Variants in MAP7 observed in about 807,000 individuals in gnomAD.
MAP7 encodes the protein ensconsin.
MAP7 carries 52 observed loss-of-function variants against 94.8 expected under a neutral mutation model. That is an observed-to-expected ratio of 0.55 (90% CI 0.44 to 0.69). The LOEUF is 0.69. MAP7 is among the 30% of genes least tolerant of loss of function. The pLI is 0.00. For missense variants in MAP7, 940 were observed against 964.6 expected, an observed-to-expected ratio of 0.97 and a Z score of 0.34; for synonymous variants, 350 against 357.0, an observed-to-expected ratio of 0.98 and a Z score of 0.22.
intron 8 of MAP7, among the ~76,000 whole-genome samples, chr6:136,371,796 AAAG>A (rs1208917863): frequency 1.3e-5 from 2 of 152,372 alleles, no homozygotes; most frequent in East Asian, 1.9e-4. Context: ...GATTTAAAAC[AAAG>A]AAGAAGATTC....
chr6:136,394,975 A>T (rs1782015368), intron 3 of MAP7, among the ~76,000 whole-genome samples: 3 of 23,526 alleles, frequency 1.3e-4, no homozygotes, highest in Admixed American at 4.8e-4. Context: ...TATATATCAC[A>T]TTTTCCTTAT....
At chr6:136,345,632 G>C (rs1582616513) in intron 17 of MAP7, among the ~76,000 whole-genome samples, 4 of 152,190 alleles carry the variant, frequency 2.6e-5, no homozygotes, top group Non-Finnish European at 1.5e-5. Flanking sequence ...GCTGCGGACT[G>C]GACTTCTGCA....
chr6:136,449,144 A>C (rs1375292378), intron 1 of MAP7, among the ~76,000 whole-genome samples: 1 of 152,044 alleles, frequency 6.6e-6, no homozygotes, highest in East Asian at 1.9e-4. Context: ...AAAATACAAA[A>C]ATTAGCCGGG....
chr6:136,418,450 G>A (rs1423572338), intron 2 of MAP7, among the ~76,000 whole-genome samples: 1 of 152,146 alleles, frequency 6.6e-6, no homozygotes, highest in Non-Finnish European at 1.5e-5. Context: ...CCTGGCCTCA[G>A]GAGATCCACC....
At chr6:136,502,884 T>C (rs1820211482) in intron 1 of MAP7, among the ~76,000 whole-genome samples, 2 of 152,032 alleles carry the variant, frequency 1.3e-5, no homozygotes, top group South Asian at 2.1e-4. Flanking sequence ...AGCCATACAA[T>C]GCATCATGAT....
intron 3 of MAP7, among the ~76,000 whole-genome samples, chr6:136,410,246 G>C (rs1345308292): frequency 6.6e-6 from 1 of 152,180 alleles, no homozygotes; most frequent in African/African-American, 2.4e-5. Context: ...AGATCTACAA[G>C]TGTGAGACCT....
intron 1 of MAP7, among the ~76,000 whole-genome samples, chr6:136,546,730 T>A (rs1488300658): frequency 6.6e-6 from 1 of 152,196 alleles, no homozygotes; most frequent in East Asian, 1.9e-4. Flanking sequence ...AGGTACACAT[T>A]TCTTATTCTA....
intron 3 of MAP7, among the ~76,000 whole-genome samples, chr6:136,392,399 T>G (rs1412985138): frequency 6.6e-6 from 1 of 150,888 alleles, no homozygotes; most frequent in Non-Finnish European, 1.5e-5. Flanking sequence ...TTTTTTTTTT[T>G]TTTTTTTTTT....
rs1582665181 is a variant in MAP7, at chr6:136,360,633, G to A, written c.1803+64C>T. On this transcript the variant is annotated intron_variant, in intron 13 of 17. Transcript: ENST00000354570. ...GAACACGCGTTTTCTGACGGCCAGG[G>A]CTAGTCTCTGGGTCTTAGAGGTGCA... 4.9e-6 allele frequency: 7 copies of A among 1,425,146 alleles called. No homozygotes were observed. In the East Asian group the frequency reaches 1.6e-4, roughly 32 times the overall value. 88.3% of individuals were successfully genotyped at this position (1,425,146 alleles called of 1,614,324 possible). A position where few individuals can be genotyped will look rare whatever the true frequency, so the allele number is the denominator to read the frequency against.
intron 1 of MAP7, among the ~76,000 whole-genome samples, chr6:136,471,351 GTTC>G (rs1184260680): frequency 6.6e-6 from 1 of 152,138 alleles, no homozygotes; most frequent in African/African-American, 2.4e-5. Context: ...CTTAATCGTA[GTTC>G]TTTATTTGCC....
intron 1 of MAP7, among the ~76,000 whole-genome samples, chr6:136,506,988 C>T (rs1310407961): frequency 1.3e-5 from 2 of 152,152 alleles, no homozygotes; most frequent in Non-Finnish European, 2.9e-5. Context: ...AATCACTTTA[C>T]CCCTTTTGTC....
chr6:136,348,200 G>A (rs1312678550), intron 16 of MAP7, among the ~76,000 whole-genome samples: 2 of 152,134 alleles, frequency 1.3e-5, no homozygotes, highest in African/African-American at 4.8e-5. Context: ...GAACAGGAAC[G>A]TATCTCCAGA....
chr6:136,382,352 T>A (rs1368729270), intron 6 of MAP7, among the ~76,000 whole-genome samples: 2 of 152,218 alleles, frequency 1.3e-5, no homozygotes, highest in Non-Finnish European at 2.9e-5. Flanking sequence ...TTGTAGTTTG[T>A]CTCAGATCCA....
At chr6:136,508,335 A>T (rs1479600166) in intron 1 of MAP7, among the ~76,000 whole-genome samples, 2 of 152,172 alleles carry the variant, frequency 1.3e-5, no homozygotes, top group Non-Finnish European at 2.9e-5. Flanking sequence ...CAAAAAAAAA[A>T]GAAAGAAAAG....
At position 136,413,117 on chromosome 6, in the gene MAP7, G is replaced by A. The variant is rs1420522423; in HGVS notation, c.167-1420C>T. ...GCAGAAGATGCAGGGAGCCAAGATCGCGCCATTGCACTCCAGCCTGGGCAA... is the reference window on the plus strand; with the variant it reads ...GCAGAAGATGCAGGGAGCCAAGATCACGCCATTGCACTCCAGCCTGGGCAA... On this transcript the variant is annotated intron_variant, in intron 2 of 17. Transcript: ENST00000354570. Among the ~76,000 whole-genome samples the A allele has an allele frequency of 9.9e-5, 15 of 152,256 alleles. No individual in the cohort carries two copies. In the South Asian group the frequency reaches 1.9e-3, roughly 19 times the overall value.
At chr6:136,364,802 C>T (rs991055512) in intron 10 of MAP7, 2 of 154,450 alleles carry the variant, frequency 1.3e-5, no homozygotes, top group Non-Finnish European at 2.9e-5. Flanking sequence ...TGTAAGCCAC[C>T]TTTCAGATCT....
chr6:136,542,266 G>T (rs1259968775), intron 1 of MAP7, among the ~76,000 whole-genome samples: 1 of 152,086 alleles, frequency 6.6e-6, no homozygotes, highest in East Asian at 1.9e-4. Context: ...CAACATCACC[G>T]CTAGAGAACG....
chr6:136,461,758 A>G (rs1442433873), intron 1 of MAP7, among the ~76,000 whole-genome samples: 1 of 152,188 alleles, frequency 6.6e-6, no homozygotes, highest in Non-Finnish European at 1.5e-5. Context: ...ATCAACACAT[A>G]TAACTGGAAA....
At chr6:136,515,198 T>C (rs886447154) in intron 1 of MAP7, among the ~76,000 whole-genome samples, 1 of 152,226 alleles carries the variant, frequency 6.6e-6, no homozygotes, top group African/African-American at 2.4e-5. Flanking sequence ...TTTTCTGCAG[T>C]TCCCTCACCT....
Sources: allele counts gnomAD v4.1 joint callset (sites outside exome capture counted in the v4.1 genomes callset), GRCh38; gene constraint gnomAD v4.1.1; transcripts MANE v1.5; gene names NCBI Gene and HGNC (gene_info 2026-07-23, HGNC 2026-07-21).